ZNF107: variants seen among roughly 807,000 people sequenced by gnomAD.
ZNF107 encodes zinc finger protein 107.
A neutral mutation model predicts 12.3 loss-of-function variants in ZNF107; 19 were observed. The ratio of observed to expected loss-of-function variants is 1.55; its 90% CI spans 1.08 to 2.27. ZNF107 has a LOEUF of 2.27. Among genes scored for constraint, ZNF107 ranks in the 30% most tolerant of loss-of-function variants. The probability of loss-of-function intolerance (pLI) is 0.00; values close to 1 mark genes in which losing one functional copy is unlikely to be tolerated. For missense variants in ZNF107, 958 were observed against 979.9 expected (o/e 0.98, Z 0.30); for synonymous variants, 317 against 330.5 (o/e 0.96, Z 0.44).
intron 3 of ZNF107, among the ~76,000 whole-genome samples, chr7:64,697,746 A>G (rs1301616094): frequency 6.7e-6 from 1 of 148,796 alleles, no homozygotes; most frequent in Non-Finnish European, 1.5e-5. Context: ...GCTGGAGTGC[A>G]GTGGCTCAAC....
chr7:64,669,993 T>G (rs1584459681), intron 1 of ZNF107, among the ~76,000 whole-genome samples: 5 of 152,012 alleles, frequency 3.3e-5, no homozygotes, highest in Admixed American at 3.3e-4. Flanking sequence ...CTTGGAAGCC[T>G]CCCCTGCTCA....
chr7:64,707,104 C>T lies in ZNF107; in HGVS notation c.1007C>T (p.Ala336Val), dbSNP rs766949806. 3.3e-5 allele frequency: 53 copies of T among 1,612,306 alleles called. No homozygotes were observed. Among genetic ancestry groups the T allele is most frequent in the Non-Finnish European group, 4.1e-5 (48 of 1,179,452 alleles). Residue 336 changes from alanine to valine, a missense_variant, in exon 4 of 4, where the codon GCT becomes GTT. Coordinates refer to ENST00000620827, the MANE Select transcript of ZNF107 (RefSeq NM_001282359.2). Reference protein sequence around the residue: ...SNLTNHKRIHAGEKPYKCKEC... With the variant: ...SNLTNHKRIHVGEKPYKCKEC... ...CTTACTAACCATAAGAGAATTCATG[C>T]TGGGGAGAAACCCTACAAATGTAAA... is the stretch of plus-strand genomic sequence containing the variant.
intron 3 of ZNF107, among the ~76,000 whole-genome samples, chr7:64,694,875 A>G (rs1790234710): frequency 6.6e-6 from 1 of 152,210 alleles, no homozygotes; most frequent in Admixed American, 6.5e-5. Context: ...TATGCCTAAA[A>G]TAAATTAGAT....
At chr7:64,684,185 C>T (rs1789804789) in intron 1 of ZNF107, among the ~76,000 whole-genome samples, 1 of 152,136 alleles carries the variant, frequency 6.6e-6, no homozygotes, top group African/African-American at 2.4e-5. Flanking sequence ...GGATCTGAGC[C>T]ACCGCCCATG....
At chr7:64,692,020 A>G in intron 3 of ZNF107, 60 bp downstream of exon 3, 1 of 1,146,146 alleles carries the variant, frequency 8.7e-7, no homozygotes, top group Non-Finnish European at 1.2e-6. Context: ...AAGGTCAAAG[A>G]AAAAGCCAGT....
chr7:64,667,838 G>C (rs1184120342), intron 1 of ZNF107, among the ~76,000 whole-genome samples: 2 of 151,942 alleles, frequency 1.3e-5, no homozygotes, highest in South Asian at 2.1e-4. Flanking sequence ...ATTTCTCAGA[G>C]GTACATTGCT....
rs142189998 is a variant in ZNF107, at chr7:64,706,534, A to C, written c.437A>C (p.Gln146Pro). 7.2e-4 allele frequency: 1,160 copies of C among 1,610,018 alleles called. 10 individuals are homozygous for C. The South Asian group carries it at 0.011, about 16-fold the overall frequency. The stretch of plus-strand genomic sequence containing the variant: ...ACAGCTACCCCAAGCAAAATATTCC[A>C]GTGTAATAAATATGTGAAAGTCTTT... ...CLTATPSKIFQCNKYVKVFDK... is the reference protein window; with the variant it reads ...CLTATPSKIFPCNKYVKVFDK... The change falls in exon 4 of 4, where the codon CAG becomes CCG. Residue 146 changes from glutamine to proline, a missense_variant. Gln to Pro is a moderately conservative substitution (Grantham distance 76, BLOSUM62 -1). Transcript: ENST00000620827.
chr7:64,676,599 G>A (rs1193432784), intron 1 of ZNF107, among the ~76,000 whole-genome samples: 2 of 152,140 alleles, frequency 1.3e-5, no homozygotes, highest in Non-Finnish European at 2.9e-5. Context: ...GCCAAAGAGA[G>A]AAGTTAATCT....
rs572274353 is a variant in ZNF107, at chr7:64,666,317, G to C, written c.3+32G>C. On this transcript the variant is annotated intron_variant, in intron 1 of 3. Coordinates refer to ENST00000620827, the MANE Select transcript of ZNF107 (RefSeq NM_001282359.2). ...GTGCTGGGTCCGACATCCCGAGAGAGGGGGAGGGGCTGGTTGGAACCGATC... is the reference window on the plus strand; with the variant it reads ...GTGCTGGGTCCGACATCCCGAGAGACGGGGAGGGGCTGGTTGGAACCGATC... The C allele has an allele frequency of 6.4e-5, 103 of 1,607,428 alleles. No homozygotes were observed. In the South Asian group the frequency reaches 9.8e-4, roughly 15 times the overall value.
At position 64,690,498 on chromosome 7, in the gene ZNF107, T is replaced by C. The variant is rs921792801; in HGVS notation, c.4-750T>C. 1.0e-5 allele frequency: 10 copies of C among 983,506 alleles called. No homozygotes were observed. In the African/African-American group the frequency reaches 1.8e-4, roughly 17 times the overall value. 60.9% of individuals were successfully genotyped at this position (983,506 alleles called of 1,614,324 possible). A position where few individuals can be genotyped will look rare whatever the true frequency, so the allele number is the denominator to read the frequency against. Reference sequence around the variant, plus strand: ...GAGTGGTTGCTAACAATTCCCGAATTCCACAAGGAGATAAATGGGAAAAAA... The same window carrying C: ...GAGTGGTTGCTAACAATTCCCGAATCCCACAAGGAGATAAATGGGAAAAAA... On this transcript the variant is annotated intron_variant, in intron 1 of 3. Transcript: ENST00000620827.
At chr7:64,684,661 T>C in intron 1 of ZNF107, 1 of 985,410 alleles carries the variant, frequency 1.0e-6, no homozygotes, top group Non-Finnish European at 1.2e-6. Context: ...CCACTCTATT[T>C]GCCAAGACAT....
rs752827791 is a variant in ZNF107 at position 64,691,906 on chromosome 7, CA to C, written c.180del (p.Glu61SerfsTer5). 2.0e-4 allele frequency: 302 copies of C among 1,512,990 alleles called. No homozygotes were observed. Among genetic ancestry groups the C allele is most frequent in the Admixed American group, 7.2e-4 (32 of 44,486 alleles). 93.7% of individuals were successfully genotyped at this position (1,512,990 alleles called of 1,614,324 possible). A position where few individuals can be genotyped will look rare whatever the true frequency, so the allele number is the denominator to read the frequency against. On this transcript the variant is annotated frameshift_variant, in exon 3 of 4. Coordinates refer to ENST00000620827, the MANE Select transcript of ZNF107 (RefSeq NM_001282359.2). LOFTEE classifies it high-confidence loss of function. ...SKPYLITCLE[Q>X]KKEPWNIKRH... The stretch of plus-strand genomic sequence containing the variant: ...GCCATATCTGATCACCTGTCTGGAG[CA>C]AAAAAAAGAGCCCTGGAATATAAAA...
Position 64,707,693 on chromosome 7 carries a change from T to G in ZNF107, c.1596T>G (p.Thr532=). ...TTACTGAACATAAGAAAATTCATAC[T>G]GGAGAGAAACCCTATAAATGTGAGG... ...SNLTEHKKIH[T]GEKPYKCEEC... is the part of the protein sequence containing the mutation. The change falls in exon 4 of 4, where the codon ACT becomes ACG. Residue 532 remains threonine (T), a synonymous_variant. Coordinates refer to ENST00000620827, the MANE Select transcript of ZNF107 (RefSeq NM_001282359.2). The G allele has an allele frequency of 6.2e-7, 1 of 1,612,966 alleles. No individual in the cohort carries two copies. The highest frequency in any genetic ancestry group is 8.5e-7 in the Non-Finnish European group (1 of 1,179,696).
At chr7:64,667,113 G>T (rs140502000) in intron 1 of ZNF107, among the ~76,000 whole-genome samples, 127 of 152,274 alleles carry the variant, frequency 8.3e-4, no homozygotes, top group African/African-American at 2.9e-3. Context: ...CTCCACAGGG[G>T]ACAGATTTTC....
chr7:64,670,634 T>G (rs1789185886), intron 1 of ZNF107, among the ~76,000 whole-genome samples: 1 of 152,222 alleles, frequency 6.6e-6, no homozygotes, highest in African/African-American at 2.4e-5. Flanking sequence ...ATGGGAAGGG[T>G]GTTTCTTTTC....
chr7:64,683,936 C>T (rs1789793189), intron 1 of ZNF107, among the ~76,000 whole-genome samples: 1 of 152,166 alleles, frequency 6.6e-6, no homozygotes, highest in Non-Finnish European at 1.5e-5. Context: ...TTTTACCTCT[C>T]TTCTAACAGA....
chr7:64,666,758 AAG>A (rs1789021996), intron 1 of ZNF107, among the ~76,000 whole-genome samples: 1 of 152,224 alleles, frequency 6.6e-6, no homozygotes, highest in South Asian at 2.1e-4. Flanking sequence ...AATTTAATCA[AAG>A]AGTAATTGAA....
intron 1 of ZNF107, among the ~76,000 whole-genome samples, chr7:64,669,804 T>A (rs9638381): frequency 0.047 from 7,131 of 152,046 alleles, 447 homozygotes; most frequent in African/African-American, 0.14. Context: ...AAAGAAAAAA[T>A]AATTTCCTTC....
intron 3 of ZNF107, among the ~76,000 whole-genome samples, chr7:64,692,296 G>A (rs1790144618): frequency 1.3e-5 from 2 of 152,012 alleles, no homozygotes; most frequent in Non-Finnish European, 2.9e-5. Context: ...AAACCTCTAT[G>A]TTAAACTTTT....
Sources: allele counts gnomAD v4.1 joint callset (sites outside exome capture counted in the v4.1 genomes callset), GRCh38; gene constraint gnomAD v4.1.1; transcripts MANE v1.5; gene names NCBI Gene and HGNC (gene_info 2026-07-23, HGNC 2026-07-21).